The following ELOVL7 variants were observed in gnomAD, a reference collection of about 807,000 sequenced individuals.
ELOVL7 encodes the protein very long chain fatty acid elongase 7.
Under a neutral mutation model 35.7 loss-of-function variants are expected in ELOVL7, and 27 were observed. The ratio of observed to expected loss-of-function variants is 0.76; its 90% confidence interval spans 0.56 to 1.04. The LOEUF (loss-of-function observed/expected upper bound fraction) is 1.04, where lower values mean the gene tolerates loss of function less well. Among genes scored for constraint, ELOVL7 ranks in the 50% least tolerant of loss-of-function variants. The pLI, the probability that ELOVL7 is intolerant of heterozygous loss-of-function variation, is 0.00. For synonymous variants in ELOVL7, 113 were observed against 114.6 expected, an observed-to-expected ratio of 0.99 and a Z score of 0.09; for missense variants, 327 against 340.8, an observed-to-expected ratio of 0.96 and a Z score of 0.32.
intron 2 of ELOVL7, among the ~76,000 whole-genome samples, chr5:60,797,939 C>T (rs111459597): frequency 9.9e-5 from 15 of 152,284 alleles, no homozygotes; most frequent in African/African-American, 3.1e-4. Flanking sequence ...AAAGGTTAAT[C>T]GGAAACTCAA....
rs189884443 is a variant in ELOVL7, at chr5:60,757,392, A to G, written c.636+117T>C. 4,048 of 1,012,388 alleles carry G rather than the reference A, an allele frequency of 4.0e-3. 18 individuals carry two copies. Among genetic ancestry groups the G allele is most frequent in the Non-Finnish European group, 4.7e-3 (3,347 of 707,100 alleles). The allele number at this position is 1,012,388 out of a possible 1,614,324, so 62.7% of individuals were successfully genotyped here. A position where few individuals can be genotyped will look rare whatever the true frequency, so the allele number is the denominator to read the frequency against. On this transcript the variant is annotated intron_variant, in intron 8 of 8. Coordinates refer to ENST00000508821, the MANE Select transcript of ELOVL7 (RefSeq NM_024930.3). ...TGATGGCATATCATGTAGGGGCCAG[A>G]CGCTCTACCCCTATTGTTTTGTCTT...
rs553212329 is a variant in ELOVL7, at chr5:60,798,074, C to T, written c.-35+1106G>A. Among the ~76,000 whole-genome samples, 4 of 152,282 alleles carry T rather than the reference C, an allele frequency of 2.6e-5. No homozygotes were observed. The East Asian group carries it at 7.7e-4, about 29-fold the overall frequency. On this transcript the variant is annotated intron_variant, in intron 2 of 8. Coordinates refer to ENST00000508821, the MANE Select transcript of ELOVL7 (RefSeq NM_024930.3). Reference sequence around the variant, plus strand: ...CCACACCAAACCAATGTACTTCTTACATACATTGATTGATGTCTCATGTCT... The same window carrying T: ...CCACACCAAACCAATGTACTTCTTATATACATTGATTGATGTCTCATGTCT...
chr5:60,778,864 G>T (rs913675872), intron 3 of ELOVL7, among the ~76,000 whole-genome samples: 5 of 152,204 alleles, frequency 3.3e-5, no homozygotes, highest in Non-Finnish European at 7.3e-5. Flanking sequence ...TTCTGCCTAT[G>T]AGCCTGTAAA....
chr5:60,791,193 C>G lies in ELOVL7; in HGVS notation c.-34-3762G>C, dbSNP rs1165274652. On this transcript the variant is annotated intron_variant, in intron 2 of 8. Transcript: ENST00000508821. Reference sequence around the variant, plus strand: ...ATTTCACTATGTTGCTCAGGCTGGTCTCAAACTCCTTGGGCTCAAGCAGTC... The same window carrying G: ...ATTTCACTATGTTGCTCAGGCTGGTGTCAAACTCCTTGGGCTCAAGCAGTC... Among the ~76,000 whole-genome samples the G allele has an allele frequency of 3.9e-5, 6 of 152,174 alleles. 1 individual carries two copies. The highest frequency in any genetic ancestry group is 8.8e-5 in the Non-Finnish European group (6 of 68,028).
intron 1 of ELOVL7, among the ~76,000 whole-genome samples, chr5:60,829,141 A>G (rs1746339635): frequency 6.6e-6 from 1 of 151,114 alleles, no homozygotes; most frequent in South Asian, 2.1e-4. Flanking sequence ...CATGTTGGAA[A>G]GGTTTATATT....
chr5:60,790,890 G>C (rs376554452), intron 2 of ELOVL7, among the ~76,000 whole-genome samples: 4 of 152,206 alleles, frequency 2.6e-5, no homozygotes, highest in African/African-American at 9.6e-5. Flanking sequence ...AAGGTTTGTA[G>C]CACAGAATCT....
At chr5:60,784,988 A>G (rs886697861) in intron 3 of ELOVL7, among the ~76,000 whole-genome samples, 2 of 152,184 alleles carry the variant, frequency 1.3e-5, no homozygotes, top group Admixed American at 6.5e-5. Context: ...ACTTTCATGT[A>G]TGTTATCTGG....
At position 60,834,417 on chromosome 5, in the gene ELOVL7, T is replaced by A. The variant is rs910848927; in HGVS notation, c.-86+9743A>T. Among the ~76,000 whole-genome samples, 4 of 152,200 alleles carry A rather than the reference T, an allele frequency of 2.6e-5. No individual in the cohort carries two copies. In the East Asian group the frequency reaches 7.7e-4, roughly 29 times the overall value. ...GCCTCGGCCTCCCAAAGTGCTGGGA[T>A]TACAGGCGTGAGCCACTGCGCCCGA... On this transcript the variant is annotated intron_variant, in intron 1 of 8. Coordinates refer to ENST00000508821, the MANE Select transcript of ELOVL7 (RefSeq NM_024930.3).
chr5:60,803,041 GT>G (rs1744734437), intron 1 of ELOVL7, among the ~76,000 whole-genome samples: 1 of 152,130 alleles, frequency 6.6e-6, no homozygotes, highest in Admixed American at 6.5e-5. Flanking sequence ...GAACTTCTTT[GT>G]GTCTCTTTTT....
intron 1 of ELOVL7, among the ~76,000 whole-genome samples, chr5:60,808,241 G>A (rs1469570835): frequency 1.3e-5 from 2 of 151,512 alleles, no homozygotes; most frequent in Non-Finnish European, 2.9e-5. Flanking sequence ...CCATAAAAGG[G>A]TAATTGGTCT....
At chr5:60,759,908 A>G (rs375614995) in intron 7 of ELOVL7, among the ~76,000 whole-genome samples, 2 of 151,948 alleles carry the variant, frequency 1.3e-5, no homozygotes, top group East Asian at 1.9e-4. Flanking sequence ...TTGTTCTTGC[A>G]ATAGTTTACT....
chr5:60,765,856 T>A (rs1267110363), intron 6 of ELOVL7, among the ~76,000 whole-genome samples: 2 of 152,232 alleles, frequency 1.3e-5, no homozygotes, highest in Non-Finnish European at 2.9e-5. Context: ...CTTTTCAGTC[T>A]GAGCCAAAAC....
chr5:60,754,857 A>AC, intron 8 of ELOVL7, 24 bp from the exon 9 acceptor site: 1 of 1,601,118 alleles, frequency 6.2e-7, no homozygotes, highest in Non-Finnish European at 8.6e-7. Context: ...ACGTGAAAAA[A>AC]AATTATTCAG....
chr5:60,838,486 T>C (rs1746962412), intron 1 of ELOVL7, among the ~76,000 whole-genome samples: 1 of 152,204 alleles, frequency 6.6e-6, no homozygotes. Context: ...GCTTTAGCAA[T>C]CTGCCAGCCC....
chr5:60,815,285 G>A (rs1745454606), intron 1 of ELOVL7, among the ~76,000 whole-genome samples: 1 of 152,068 alleles, frequency 6.6e-6, no homozygotes, highest in Non-Finnish European at 1.5e-5. Context: ...ATAAAACTAT[G>A]GAAAATACTA....
At chr5:60,757,393 C>A (rs7715147) in intron 8 of ELOVL7, 116 bp downstream of exon 8, 203,282 of 1,015,060 alleles carry the variant, frequency 0.2, 23,633 homozygotes, top group Non-Finnish European at 0.24. Context: ...AGGGGCCAGA[C>A]GCTCTACCCC....
intron 2 of ELOVL7, among the ~76,000 whole-genome samples, chr5:60,790,935 CTTTTG>C (rs946477790): frequency 1.3e-5 from 2 of 151,878 alleles, no homozygotes; most frequent in African/African-American, 4.8e-5. Context: ...CAAACTTATC[CTTTTG>C]TTTTAGTTTT....
At chr5:60,767,588 G>T (rs1194879607) in intron 5 of ELOVL7, among the ~76,000 whole-genome samples, 2 of 152,126 alleles carry the variant, frequency 1.3e-5, no homozygotes, top group African/African-American at 4.8e-5. Flanking sequence ...GGAACCACAT[G>T]TGAATTTATT....
At chr5:60,792,014 A>G (rs973974379) in intron 2 of ELOVL7, among the ~76,000 whole-genome samples, 3 of 152,154 alleles carry the variant, frequency 2.0e-5, no homozygotes, top group Non-Finnish European at 2.9e-5. Context: ...CAGGTCAGAA[A>G]TATTCACAGG....
Sources: allele counts gnomAD v4.1 joint callset (sites outside exome capture counted in the v4.1 genomes callset), GRCh38; gene constraint gnomAD v4.1.1; transcripts MANE v1.5; gene names NCBI Gene and HGNC (gene_info 2026-07-23, HGNC 2026-07-21).